ELAVL2: variants seen among roughly 807,000 people sequenced by gnomAD.
ELAVL2 encodes the protein ELAV-like protein 2.
ELAVL2 carries 4 observed loss-of-function variants against 34.6 expected under a neutral mutation model. That is an observed-to-expected ratio of 0.12 (90% CI 0.06 to 0.26). ELAVL2 has a LOEUF of 0.26. Ranked by LOEUF, ELAVL2 falls within the 10% of genes least tolerant of loss-of-function variation. The pLI, the probability that ELAVL2 is intolerant of heterozygous loss-of-function variation, is 1.00. For missense variants in ELAVL2, 432 were observed against 442.8 expected (o/e 0.98, Z 0.22); for synonymous variants, 193 against 154.8 (o/e 1.25, Z -1.83).
chr9:23,735,400 C>T (rs2047638620), intron 2 of ELAVL2: 2 of 152,190 alleles, frequency 1.3e-5, no homozygotes, highest in African/African-American at 2.4e-5. Context: ...GCCTCGGCCT[C>T]CCAAGTAGCT....
chr9:23,717,595 T>C (rs1452588302), intron 3 of ELAVL2, among the ~76,000 whole-genome samples: 1 of 152,222 alleles, frequency 6.6e-6, no homozygotes, highest in Non-Finnish European at 1.5e-5. Flanking sequence ...GTAATACATT[T>C]CTTCTTTTTC....
chr9:23,695,085 T>C (rs572332642), intron 5 of ELAVL2, among the ~76,000 whole-genome samples: 14 of 152,344 alleles, frequency 9.2e-5, no homozygotes, highest in Middle Eastern at 3.4e-3. Context: ...TGGGGTTTTA[T>C]TTTTTGCAGA....
chr9:23,746,389 G>T (rs1462784457), intron 2 of ELAVL2, among the ~76,000 whole-genome samples: 1 of 152,108 alleles, frequency 6.6e-6, no homozygotes, highest in Admixed American at 6.6e-5. Context: ...GTTCTAGATT[G>T]TACACTGACT....
chr9:23,813,749 A>C (rs939386095), intron 1 of ELAVL2, among the ~76,000 whole-genome samples: 9 of 152,220 alleles, frequency 5.9e-5, no homozygotes, highest in Non-Finnish European at 1.2e-4. Flanking sequence ...CCCAAGACAA[A>C]TCTTCTCTGA....
intron 1 of ELAVL2, among the ~76,000 whole-genome samples, chr9:23,810,074 A>C (rs2062776194): frequency 6.6e-6 from 1 of 152,132 alleles, no homozygotes; most frequent in Admixed American, 6.5e-5. Flanking sequence ...CAGCCCTTAC[A>C]GATTATCTAC....
rs912202893 is a variant in ELAVL2 at position 23,692,695 on chromosome 9, A to G, written c.942T>C (p.Asn314=). The change falls in exon 7 of 7, where the codon AAT becomes AAC. Residue 314 remains asparagine, a synonymous_variant. Coordinates refer to ENST00000397312, the MANE Select transcript of ELAVL2 (RefSeq NM_004432.5). The part of the protein sequence containing the change: ...NVKVIRDFNT[N]KCKGFGFVTM... ...TCACAAATCCAAAACCTTTGCATTT[A>G]TTGGTGTTAAAGTCACGGATGACCT... 2 of 1,614,194 alleles carry G rather than the reference A, an allele frequency of 1.2e-6. No individual in the cohort carries two copies. The highest frequency in any genetic ancestry group is 1.7e-6 in the Non-Finnish European group (2 of 1,180,010).
At chr9:23,757,941 T>C (rs1275777685) in intron 2 of ELAVL2, among the ~76,000 whole-genome samples, 1 of 152,246 alleles carries the variant, frequency 6.6e-6, no homozygotes, top group East Asian at 1.9e-4. Context: ...AACTAGATAT[T>C]TTTGTTCCTT....
At chr9:23,774,980 A>G (rs2057965180) in intron 1 of ELAVL2, among the ~76,000 whole-genome samples, 1 of 152,260 alleles carries the variant, frequency 6.6e-6, no homozygotes, top group South Asian at 2.1e-4. Context: ...ACACTCTCCT[A>G]TCATCTTTCT....
the ELAVL2 span, among the ~76,000 whole-genome samples, chr9:23,833,927 T>C: frequency 6.6e-6 from 1 of 151,946 alleles, no homozygotes; most frequent in Non-Finnish European, 1.5e-5. Context: ...ATTATGTCCT[T>C]CCAGATATAA....
intron 2 of ELAVL2, among the ~76,000 whole-genome samples, chr9:23,738,457 T>G (rs2048395334): frequency 6.6e-6 from 1 of 152,182 alleles, no homozygotes; most frequent in Admixed American, 6.5e-5. Context: ...GGAGGACTGG[T>G]GAGATCCTAT....
chr9:23,847,911 C>G, the ELAVL2 span, among the ~76,000 whole-genome samples: 11 of 151,976 alleles, frequency 7.2e-5, no homozygotes, highest in Admixed American at 2.6e-4. Context: ...TCAACTAAAA[C>G]AGTATTTTCA....
At chr9:23,710,363 T>G (rs10966034) in intron 3 of ELAVL2, among the ~76,000 whole-genome samples, 1 of 152,316 alleles carries the variant, frequency 6.6e-6, no homozygotes, top group East Asian at 1.9e-4. Flanking sequence ...AAAATCCCAG[T>G]GCATCACTAT....
chr9:23,784,597 G>A (rs868071918), intron 1 of ELAVL2, among the ~76,000 whole-genome samples: 4 of 152,140 alleles, frequency 2.6e-5, no homozygotes, highest in Non-Finnish European at 5.9e-5. Context: ...AACCCAGCAG[G>A]CAGAGTTTTA....
chr9:23,696,109 A>G (rs118133962), intron 5 of ELAVL2, among the ~76,000 whole-genome samples: 102 of 152,314 alleles, frequency 6.7e-4, no homozygotes, highest in Non-Finnish European at 1.3e-3. Flanking sequence ...CTTTGGAACT[A>G]AGCCAAGTTA....
intron 2 of ELAVL2, among the ~76,000 whole-genome samples, chr9:23,733,362 T>A (rs2047073767): frequency 6.6e-6 from 1 of 152,150 alleles, no homozygotes; most frequent in South Asian, 2.1e-4. Flanking sequence ...CACCTTGGGC[T>A]CTGATTTTAT....
intron 3 of ELAVL2, among the ~76,000 whole-genome samples, chr9:23,710,585 G>T (rs1437243236): frequency 6.6e-6 from 1 of 152,142 alleles, no homozygotes; most frequent in Middle Eastern, 3.2e-3. Context: ...TTTATCACTT[G>T]TCAATTACTG....
At chr9:23,747,843 T>C (rs937330097) in intron 2 of ELAVL2, among the ~76,000 whole-genome samples, 2 of 152,132 alleles carry the variant, frequency 1.3e-5, no homozygotes, top group African/African-American at 2.4e-5. Context: ...TGTGGAATGA[T>C]GTACTTGCAG....
chr9:23,777,010 T>C (rs2058314285), intron 1 of ELAVL2, among the ~76,000 whole-genome samples: 1 of 152,212 alleles, frequency 6.6e-6, no homozygotes, highest in African/African-American at 2.4e-5. Flanking sequence ...GTTTTCCAGG[T>C]ACCCATTTCC....
At chr9:23,770,811 A>C (rs2057165570) in intron 1 of ELAVL2, among the ~76,000 whole-genome samples, 1 of 152,196 alleles carries the variant, frequency 6.6e-6, no homozygotes, top group Admixed American at 6.5e-5. Context: ...GTAAATTTAA[A>C]GTAATTTGTT....
Sources: allele counts gnomAD v4.1 joint callset (sites outside exome capture counted in the v4.1 genomes callset), GRCh38; gene constraint gnomAD v4.1.1; transcripts MANE v1.5; gene names NCBI Gene and HGNC (gene_info 2026-07-23, HGNC 2026-07-21).